IL1RAPL1: variants seen among roughly 807,000 people sequenced by gnomAD.
IL1RAPL1 encodes the protein interleukin-1 receptor accessory protein-like 1.
Under a neutral mutation model 48.4 loss-of-function variants are expected in IL1RAPL1, and 3 were observed. That is an observed-to-expected ratio of 0.06 (90% CI 0.03 to 0.16). IL1RAPL1 has a LOEUF of 0.16. Among genes scored for constraint, IL1RAPL1 ranks in the 10% least tolerant of loss-of-function variants. The pLI, the probability that IL1RAPL1 is intolerant of heterozygous loss-of-function variation, is 1.00. For missense variants in IL1RAPL1, 349 were observed against 530.6 expected (o/e 0.66, Z 3.36); for synonymous variants, 185 against 187.7 (o/e 0.99, Z 0.12).
chrX:29,936,651 C>T (rs1298676962), intron 8 of IL1RAPL1, among the ~76,000 whole-genome samples: 5 of 110,490 alleles, frequency 4.5e-5, no homozygotes, highest in East Asian at 2.8e-4. Context: ...TTTACCTTTT[C>T]GAAGATTTCT....
intron 3 of IL1RAPL1, among the ~76,000 whole-genome samples, chrX:29,324,197 G>T (rs747570140): frequency 1.8e-5 from 2 of 111,096 alleles, no homozygotes; most frequent in South Asian, 7.5e-4. Context: ...TCTCATGTAG[G>T]AATGGAAAGA....
chrX:29,271,957 G>A lies in IL1RAPL1; in HGVS notation c.83-10981G>A, dbSNP rs1314191130. Among the ~76,000 whole-genome samples the A allele has an allele frequency of 4.5e-5, 5 of 111,573 alleles. No individual in the cohort carries two copies. The Admixed American group carries it at 4.8e-4, about 11-fold the overall frequency. ...TGCTTTTGTTGCATTTGCTTTTGGT[G>A]TCCTTATTATGTAATCTTTGCTAGG... On this transcript the variant is annotated intron_variant, in intron 2 of 10. Coordinates refer to ENST00000378993, the MANE Select transcript of IL1RAPL1 (RefSeq NM_014271.4).
intron 1 of IL1RAPL1, among the ~76,000 whole-genome samples, chrX:28,675,521 A>G (rs1934987473): frequency 1.8e-5 from 2 of 112,073 alleles, no homozygotes; most frequent in Non-Finnish European, 3.8e-5. Flanking sequence ...TTTGCTGCTT[A>G]TATTGTCCCA....
At chrX:28,721,311 T>C (rs985874486) in intron 1 of IL1RAPL1, among the ~76,000 whole-genome samples, 1 of 112,045 alleles carries the variant, frequency 8.9e-6, no homozygotes, top group African/African-American at 3.2e-5. Flanking sequence ...TAATATCTCA[T>C]TGTGGTTTTG....
chrX:28,781,012 T>A (rs1278624440), intron 1 of IL1RAPL1, among the ~76,000 whole-genome samples: 1 of 111,565 alleles, frequency 9.0e-6, no homozygotes, highest in Non-Finnish European at 1.9e-5. Flanking sequence ...AATATAATAA[T>A]TATCTCTTTA....
At chrX:28,647,525 T>C (rs967602588) in intron 1 of IL1RAPL1, among the ~76,000 whole-genome samples, 1 of 112,575 alleles carries the variant, frequency 8.9e-6, no homozygotes, top group Non-Finnish European at 1.9e-5. Flanking sequence ...AACATAATTC[T>C]ACAGAGTCTT....
chrX:29,030,754 A>G (rs981767027), intron 2 of IL1RAPL1, among the ~76,000 whole-genome samples: 3 of 111,385 alleles, frequency 2.7e-5, no homozygotes, highest in Non-Finnish European at 5.7e-5. Context: ...AAATACTCCT[A>G]TTTGAAGAGT....
At chrX:29,335,152 A>G (rs1459028778) in intron 3 of IL1RAPL1, among the ~76,000 whole-genome samples, 2 of 104,137 alleles carry the variant, frequency 1.9e-5, no homozygotes, top group African/African-American at 6.9e-5. Context: ...CGTCGCAGGC[A>G]CTCGGCAGGC....
intron 5 of IL1RAPL1, among the ~76,000 whole-genome samples, chrX:29,488,618 T>C (rs1335754685): frequency 9.1e-6 from 1 of 109,754 alleles, no homozygotes; most frequent in African/African-American, 3.3e-5. Context: ...TGAGAGGTGG[T>C]GCATATATAA....
intron 1 of IL1RAPL1, among the ~76,000 whole-genome samples, chrX:28,710,944 A>T (rs986057781): frequency 9.0e-6 from 1 of 111,648 alleles, no homozygotes; most frequent in South Asian, 3.7e-4. Context: ...GTCACTTGTT[A>T]TGATTTGGCT....
At chrX:29,837,272 A>AAATAT (rs1447926305) in intron 6 of IL1RAPL1, among the ~76,000 whole-genome samples, 21 of 72,110 alleles carry the variant, frequency 2.9e-4, no homozygotes, top group East Asian at 1.4e-3. Flanking sequence ...AAAAAAAAAA[A>AAATAT]ATATATATAT....
chrX:29,409,820 CT>C (rs34018303), intron 5 of IL1RAPL1, among the ~76,000 whole-genome samples: 2,134 of 79,295 alleles, frequency 0.027, 25 homozygotes, highest in South Asian at 0.085. Flanking sequence ...GTTCTAAATT[CT>C]TTTTTTTTTT....
At chrX:29,027,696 A>G (rs776965918) in intron 2 of IL1RAPL1, among the ~76,000 whole-genome samples, 38 of 111,650 alleles carry the variant, frequency 3.4e-4, no homozygotes, top group Non-Finnish European at 3.2e-4. Flanking sequence ...GCTTACCAGT[A>G]TATGGTGTTG....
intron 5 of IL1RAPL1, among the ~76,000 whole-genome samples, chrX:29,613,324 T>G (rs1487875855): frequency 8.9e-6 from 1 of 111,789 alleles, no homozygotes; most frequent in African/African-American, 3.3e-5. Context: ...CGGGTCACAT[T>G]TCAAGTGTTC....
At chrX:29,428,803 A>G (rs1435015393) in intron 5 of IL1RAPL1, among the ~76,000 whole-genome samples, 1 of 111,595 alleles carries the variant, frequency 9.0e-6, no homozygotes, top group Non-Finnish European at 1.9e-5. Flanking sequence ...TACCCAAAGG[A>G]TAAATTCCCA....
chrX:29,507,974 T>C lies in IL1RAPL1; in HGVS notation c.703+108666T>C, dbSNP rs1217574108. On this transcript the variant is annotated intron_variant, in intron 5 of 10. Coordinates refer to ENST00000378993, the MANE Select transcript of IL1RAPL1 (RefSeq NM_014271.4). ...TCACTGTAAACTCTATAGTATGTACTTGGAGAGAACTTGTTTCCTTAGAAA... is the reference window on the plus strand; with the variant it reads ...TCACTGTAAACTCTATAGTATGTACCTGGAGAGAACTTGTTTCCTTAGAAA... Among the ~76,000 whole-genome samples, 166 of 111,941 alleles carry C rather than the reference T, an allele frequency of 1.5e-3. 3 individuals are homozygous for C. The Admixed American group carries it at 0.016, about 11-fold the overall frequency.
At chrX:28,607,867 C>T (rs775282282) in intron 1 of IL1RAPL1, among the ~76,000 whole-genome samples, 5 of 110,722 alleles carry the variant, frequency 4.5e-5, no homozygotes, top group Non-Finnish European at 7.6e-5. Context: ...ATGTTCACCA[C>T]GCACATAGCA....
At chrX:28,932,739 C>G (rs1307788290) in intron 2 of IL1RAPL1, among the ~76,000 whole-genome samples, 1 of 75,570 alleles carries the variant, frequency 1.3e-5, no homozygotes, top group Non-Finnish European at 2.4e-5. Flanking sequence ...ATTTGTAATG[C>G]TAACAGGTAA....
chrX:29,437,414 A>G (rs1036180409), intron 5 of IL1RAPL1, among the ~76,000 whole-genome samples: 5 of 110,675 alleles, frequency 4.5e-5, no homozygotes, highest in African/African-American at 1.6e-4. Flanking sequence ...TTCTTGCCTT[A>G]TTACACAGAC....
Sources: allele counts gnomAD v4.1 joint callset (sites outside exome capture counted in the v4.1 genomes callset), GRCh38; gene constraint gnomAD v4.1.1; transcripts MANE v1.5; gene names NCBI Gene and HGNC (gene_info 2026-07-23, HGNC 2026-07-21).